The following MNAT1 variants were observed in gnomAD, a reference collection of about 807,000 sequenced individuals.
MNAT1 encodes CDK-activating kinase assembly factor MAT1.
Under a neutral mutation model 42.0 loss-of-function variants are expected in MNAT1, and 43 were observed. That is an observed-to-expected ratio of 1.02 (90% CI 0.80 to 1.32). The LOEUF is 1.32. Ranked by LOEUF, MNAT1 falls within the 40% of genes most tolerant of loss-of-function variation. The pLI, the probability that MNAT1 is intolerant of heterozygous loss-of-function variation, is 0.00. For missense variants in MNAT1, 306 were observed against 350.4 expected, an observed-to-expected ratio of 0.87 and a Z score of 1.01; for synonymous variants, 118 against 120.0, an observed-to-expected ratio of 0.98 and a Z score of 0.11.
At chr14:60,888,000 G>T (rs927205950) in intron 7 of MNAT1, among the ~76,000 whole-genome samples, 2 of 149,868 alleles carry the variant, frequency 1.3e-5, no homozygotes, top group African/African-American at 2.5e-5. Flanking sequence ...TGGATTCACA[G>T]CTGAATTCTA....
rs2139577730 is a variant in MNAT1 at position 60,936,013 on chromosome 14, G to A, written c.810-32216G>A. 4.6e-5 allele frequency among the ~76,000 whole-genome samples: 7 copies of A among 152,216 alleles called. 1 individual carries two copies. The Middle Eastern group carries it at 0.02, about 444-fold the overall frequency. On this transcript the variant is annotated intron_variant, in intron 7 of 7. Coordinates refer to ENST00000261245, the MANE Select transcript of MNAT1 (RefSeq NM_002431.4). ...CAGTGAGATGGACTCCTGCTAACAG[G>A]CCCCCAACCTCACAGGTTGAATCCC...
intron 7 of MNAT1, among the ~76,000 whole-genome samples, chr14:60,945,293 A>C (rs1359786570): frequency 6.6e-6 from 1 of 152,056 alleles, no homozygotes; most frequent in African/African-American, 2.4e-5. Flanking sequence ...TGTCATGATA[A>C]TCTTTTTATT....
At chr14:60,908,876 T>G (rs1191832497) in intron 7 of MNAT1, among the ~76,000 whole-genome samples, 1 of 152,246 alleles carries the variant, frequency 6.6e-6, no homozygotes, top group Non-Finnish European at 1.5e-5. Flanking sequence ...TTTCTAGTTC[T>G]AGATCCCTGA....
At chr14:60,770,764 G>A (rs185501676) in intron 1 of MNAT1, among the ~76,000 whole-genome samples, 1 of 152,088 alleles carries the variant, frequency 6.6e-6, no homozygotes, top group African/African-American at 2.4e-5. Flanking sequence ...AAGGCACAAG[G>A]GTTCTTAATT....
At chr14:60,900,156 T>A (rs2035045291) in intron 7 of MNAT1, among the ~76,000 whole-genome samples, 1 of 151,738 alleles carries the variant, frequency 6.6e-6, no homozygotes, top group Non-Finnish European at 1.5e-5. Flanking sequence ...TGCAGAGGGT[T>A]CTGTGTGTTC....
chr14:60,831,116 T>C (rs2033201408), intron 6 of MNAT1, among the ~76,000 whole-genome samples: 1 of 151,812 alleles, frequency 6.6e-6, no homozygotes, highest in Non-Finnish European at 1.5e-5. Flanking sequence ...TTTTTTTTTT[T>C]TCAATACTTT....
At chr14:60,912,791 A>T (rs543268434) in intron 7 of MNAT1, among the ~76,000 whole-genome samples, 263 of 152,176 alleles carry the variant, frequency 1.7e-3, no homozygotes, top group Middle Eastern at 6.8e-3. Flanking sequence ...GGTGAATCTG[A>T]CAGTTATGTG....
intron 1 of MNAT1, among the ~76,000 whole-genome samples, chr14:60,769,753 C>T (rs747455558): frequency 7.2e-5 from 11 of 152,160 alleles, no homozygotes; most frequent in Non-Finnish European, 4.4e-5. Flanking sequence ...TTCCTGGGGT[C>T]AAATGATCCT....
intron 6 of MNAT1, among the ~76,000 whole-genome samples, chr14:60,838,922 G>T (rs147273898): frequency 8.5e-5 from 13 of 152,292 alleles, no homozygotes; most frequent in Non-Finnish European, 1.0e-4. Context: ...GCACTGACCT[G>T]CCAGCCCCCT....
intron 6 of MNAT1, among the ~76,000 whole-genome samples, chr14:60,847,403 C>CAA (rs77882001): frequency 1.1e-4 from 6 of 54,582 alleles, no homozygotes; most frequent in East Asian, 6.0e-4. Context: ...GACAACGTCT[C>CAA]AAAAAAAAAA....
intron 1 of MNAT1, among the ~76,000 whole-genome samples, chr14:60,757,161 C>T (rs2030391232): frequency 6.6e-6 from 1 of 152,110 alleles, no homozygotes; most frequent in African/African-American, 2.4e-5. Context: ...TAAAAATTTC[C>T]TGTTTAAAAC....
intron 4 of MNAT1, among the ~76,000 whole-genome samples, 177 bp from the exon 5 acceptor site, chr14:60,811,810 A>G (rs895387302): frequency 6.6e-6 from 1 of 152,224 alleles, no homozygotes; most frequent in Non-Finnish European, 1.5e-5. Flanking sequence ...ATTTAATAGT[A>G]ACGTGTCTAC....
In MNAT1 at chr14:60,798,079, T is replaced by G; in HGVS notation, c.243-8T>G. 2 of 1,311,710 alleles carry G rather than the reference T, an allele frequency of 1.5e-6. No homozygotes were observed. The highest frequency in any genetic ancestry group is 2.2e-6 in the Non-Finnish European group (2 of 917,746). The allele number at this position is 1,311,710 out of a possible 1,614,324, so 81.3% of individuals were successfully genotyped here. ...TAATATGTAGATTTCTTTTTTCTTT[T>G]CTTAAAGATACAATAAAAGGGAAGA... On this transcript the variant is annotated splice_region_variant and splice_polypyrimidine_tract_variant and intron_variant, in intron 2 of 7. Coordinates refer to ENST00000261245, the MANE Select transcript of MNAT1 (RefSeq NM_002431.4).
At position 60,743,016 on chromosome 14, in the gene MNAT1, G is replaced by A. The variant is rs145910174; in HGVS notation, c.89+8065G>A. Among the ~76,000 whole-genome samples the A allele has an allele frequency of 1.4e-3, 218 of 152,280 alleles. 5 individuals carry two copies. The highest frequency in any genetic ancestry group is 1.0e-3 in the Non-Finnish European group (69 of 68,022). On this transcript the variant is annotated intron_variant, in intron 1 of 7. Transcript: ENST00000261245. ...GTTTCTCTCATGTATATATTTAGGA[G>A]TAGAATTATTGGATCATATGGTAAC...
At chr14:60,747,408 A>C in intron 1 of MNAT1, among the ~76,000 whole-genome samples, 1 of 152,110 alleles carries the variant, frequency 6.6e-6, no homozygotes, top group Non-Finnish European at 1.5e-5. Flanking sequence ...TACCTAAGCT[A>C]TAAGGTGTAG....
At chr14:60,805,671 CA>C (rs1487176590) in intron 3 of MNAT1, among the ~76,000 whole-genome samples, 3 of 152,120 alleles carry the variant, frequency 2.0e-5, no homozygotes, top group African/African-American at 7.2e-5. Flanking sequence ...GTAGCCTTTT[CA>C]GATTGGCTTC....
chr14:60,869,249 C>G (rs2034277125), intron 6 of MNAT1, among the ~76,000 whole-genome samples: 1 of 151,008 alleles, frequency 6.6e-6, no homozygotes, highest in Non-Finnish European at 1.5e-5. Flanking sequence ...CCATGTTGCC[C>G]AGGCTGGTCT....
At chr14:60,889,212 A>G (rs1184104922) in intron 7 of MNAT1, among the ~76,000 whole-genome samples, 1 of 152,250 alleles carries the variant, frequency 6.6e-6, no homozygotes, top group Non-Finnish European at 1.5e-5. Context: ...CTACAAGGCT[A>G]CAGTAACCAA....
intron 7 of MNAT1, among the ~76,000 whole-genome samples, chr14:60,923,691 G>A (rs143497169): frequency 3.3e-5 from 5 of 152,156 alleles, no homozygotes; most frequent in African/African-American, 1.2e-4. Flanking sequence ...ATTAACGGAT[G>A]GACATGGCAT....
Sources: allele counts gnomAD v4.1 joint callset (sites outside exome capture counted in the v4.1 genomes callset), GRCh38; gene constraint gnomAD v4.1.1; transcripts MANE v1.5; gene names NCBI Gene and HGNC (gene_info 2026-07-23, HGNC 2026-07-21).